TMC1: variants seen among roughly 807,000 people sequenced by gnomAD.
TMC1 encodes the protein transmembrane channel like 1.
In TMC1, 84 loss-of-function variants were observed where a neutral mutation model predicts 105.8. The observed-to-expected ratio is 0.79, with a 90% confidence interval of 0.67 to 0.95. TMC1 has a LOEUF of 0.95. Ranked by LOEUF, TMC1 falls within the 40% of genes least tolerant of loss-of-function variation. The pLI is 0.00. For synonymous variants in TMC1, 315 were observed against 311.5 expected (o/e 1.01, Z -0.12); for missense variants, 817 against 914.1 (o/e 0.89, Z 1.37).
intron 2 of TMC1, among the ~76,000 whole-genome samples, chr9:72,598,318 C>T (rs1022013120): frequency 8.6e-5 from 13 of 151,810 alleles, no homozygotes; most frequent in African/African-American, 2.4e-4. Context: ...GCCTACCAGT[C>T]TCTGTGACTG....
chr9:72,558,840 A>T (rs1005487776), intron 1 of TMC1, among the ~76,000 whole-genome samples: 3 of 152,198 alleles, frequency 2.0e-5, no homozygotes, highest in Non-Finnish European at 2.9e-5. Context: ...CTTTTCTGGT[A>T]CTACTCTGGA....
At chr9:72,816,871 A>G (rs1289590133) in intron 19 of TMC1, among the ~76,000 whole-genome samples, 1 of 152,148 alleles carries the variant, frequency 6.6e-6, no homozygotes, top group East Asian at 1.9e-4. Flanking sequence ...TTTGAGTTTA[A>G]AAACTGAATC....
intron 2 of TMC1, among the ~76,000 whole-genome samples, chr9:72,595,184 A>C (rs1477338227): frequency 2.0e-5 from 3 of 152,034 alleles, no homozygotes; most frequent in Non-Finnish European, 4.4e-5. Context: ...TTCTGATTCA[A>C]CTGCTGCTAC....
chr9:72,576,618 C>CTTTTT (rs71357588), intron 1 of TMC1, among the ~76,000 whole-genome samples: 1 of 135,136 alleles, frequency 7.4e-6, no homozygotes, highest in Non-Finnish European at 1.5e-5. Flanking sequence ...CTCCCAATTT[C>CTTTTT]TTTTTTTTTT....
chr9:72,659,626 C>T (rs1264726420), intron 5 of TMC1, among the ~76,000 whole-genome samples: 1 of 152,100 alleles, frequency 6.6e-6, no homozygotes, highest in African/African-American at 2.4e-5. Flanking sequence ...AGAGCAAGAC[C>T]CTGTGTGACC....
At chr9:72,605,385 A>G (rs537923464) in intron 2 of TMC1, among the ~76,000 whole-genome samples, 69 of 152,292 alleles carry the variant, frequency 4.5e-4, no homozygotes, top group African/African-American at 1.7e-3. Flanking sequence ...ACAACAGCAC[A>G]GGTGCCTTAA....
chr9:72,801,253 C>T (rs1025251615), intron 17 of TMC1, among the ~76,000 whole-genome samples: 9 of 152,150 alleles, frequency 5.9e-5, no homozygotes, highest in Non-Finnish European at 1.2e-4. Context: ...GAAGCTATAT[C>T]CTGAGGTCTT....
chr9:72,755,029 A>T (rs1057147734), intron 12 of TMC1, 145 bp downstream of exon 12: 1 of 493,534 alleles, frequency 2.0e-6, no homozygotes, highest in African/African-American at 2.1e-5. Context: ...GAAAGGAAAG[A>T]AAGAAAGAAA....
intron 1 of TMC1, among the ~76,000 whole-genome samples, chr9:72,527,662 G>T (rs915924783): frequency 2.0e-5 from 3 of 152,158 alleles, no homozygotes; most frequent in Non-Finnish European, 4.4e-5. Flanking sequence ...CACAGATTCT[G>T]TTTCCCTGCG....
At chr9:72,762,681 G>C (rs1827775106) in intron 12 of TMC1, among the ~76,000 whole-genome samples, 1 of 152,146 alleles carries the variant, frequency 6.6e-6, no homozygotes, top group African/African-American at 2.4e-5. Flanking sequence ...TAGTAGCAGA[G>C]ATCATAACTT....
rs1224388438 is a variant in TMC1 at position 72,689,168 on chromosome 9, G to A, written c.64+412G>A. Among the ~76,000 whole-genome samples, 4 of 152,060 alleles carry A rather than the reference G, an allele frequency of 2.6e-5. No individual in the cohort carries two copies. The East Asian group carries it at 7.7e-4, about 29-fold the overall frequency. On this transcript the variant is annotated intron_variant, in intron 6 of 23. Transcript: ENST00000297784. ...TTGGACGAAAAGGGTATAATCTAAT[G>A]TTTACATAGAGTGGGGAAACACAAC...
At chr9:72,748,577 T>C (rs1377245709) in intron 10 of TMC1, among the ~76,000 whole-genome samples, 1 of 152,240 alleles carries the variant, frequency 6.6e-6, no homozygotes, top group Admixed American at 6.5e-5. Context: ...AGATTAAGTA[T>C]GTTAAAATTG....
chr9:72,795,261 C>G (rs1373327782), intron 17 of TMC1, among the ~76,000 whole-genome samples: 1 of 152,154 alleles, frequency 6.6e-6, no homozygotes, highest in African/African-American at 2.4e-5. Flanking sequence ...AATTTGCTGC[C>G]AGTCTTTGCT....
Position 72,627,958 on chromosome 9 carries a change from T to C in TMC1, c.-158T>C. ...CTCAAAAATGGAAAACCCCCTGTGC[T>C]TCACATCTGAAAATCTCTGCTGGGG... On this transcript the variant is annotated 5_prime_UTR_variant, in exon 4 of 24. Transcript: ENST00000297784. 4 of 453,448 alleles carry C rather than the reference T, an allele frequency of 8.8e-6. No individual in the cohort carries two copies. The highest frequency in any genetic ancestry group is 1.8e-5 in the Non-Finnish European group (4 of 225,806). The allele number at this position is 453,448 out of a possible 1,614,324, so 28.1% of individuals were successfully genotyped here.
Position 72,641,641 on chromosome 9 carries a change from C to G in TMC1, c.-52-6956C>G, listed in dbSNP as rs139025172. Among the ~76,000 whole-genome samples, 22 of 149,300 alleles carry G rather than the reference C, an allele frequency of 1.5e-4. No individual in the cohort carries two copies. The East Asian group carries it at 4.2e-3, about 28-fold the overall frequency. On this transcript the variant is annotated intron_variant, in intron 4 of 23. Transcript: ENST00000297784. ...CTTCTGTCCCCAAGGTCCTGAACAA[C>G]TGCAGAAACCTTGTGCCCGTGCATT...
chr9:72,638,850 C>A (rs1311431139), intron 4 of TMC1, among the ~76,000 whole-genome samples: 1 of 152,128 alleles, frequency 6.6e-6, no homozygotes, highest in East Asian at 1.9e-4. Context: ...GCTGCTTTAT[C>A]TCTTAATTCC....
intron 3 of TMC1, among the ~76,000 whole-genome samples, chr9:72,621,442 A>G (rs919251615): frequency 6.6e-6 from 1 of 152,200 alleles, no homozygotes; most frequent in Non-Finnish European, 1.5e-5. Flanking sequence ...CAAGTCCTCA[A>G]TCCAAAAGTG....
At chr9:72,647,598 T>C (rs997185031) in intron 4 of TMC1, among the ~76,000 whole-genome samples, 3 of 152,170 alleles carry the variant, frequency 2.0e-5, no homozygotes, top group Admixed American at 6.5e-5. Flanking sequence ...GTATCTAGAA[T>C]AGGGAAAAAC....
At chr9:72,623,068 A>G (rs1825282482) in intron 3 of TMC1, among the ~76,000 whole-genome samples, 2 of 150,530 alleles carry the variant, frequency 1.3e-5, no homozygotes, top group African/African-American at 2.4e-5. Context: ...AAAAACAAAC[A>G]AAAGAAAAAC....
Sources: gnomAD v4.1 joint callset for allele counts (sites outside exome capture counted in the v4.1 genomes callset) on GRCh38, gnomAD v4.1.1 for gene constraint, MANE v1.5 for transcripts, NCBI Gene and HGNC (gene_info 2026-07-23, HGNC 2026-07-21) for gene names.